The following ACKR2 variants were observed in gnomAD, a reference collection of about 807,000 sequenced individuals.
ACKR2 encodes C-C chemokine receptor D6.
For missense variants in ACKR2, 457 were observed against 477.3 expected (o/e 0.96, Z 0.40); for synonymous variants, 207 against 192.2 (o/e 1.08, Z -0.64).
intron 2 of ACKR2, among the ~76,000 whole-genome samples, chr3:42,863,460 C>T (rs1180968626): frequency 3.9e-5 from 6 of 152,158 alleles, no homozygotes; most frequent in Non-Finnish European, 7.4e-5. Context: ...GGTGATTCCT[C>T]AAGGATCTAG....
rs2088426277 is a variant in ACKR2 at position 42,865,424 on chromosome 3, T to C, written c.922T>C (p.Ser308Pro). 2 of 1,614,106 alleles carry C rather than the reference T, an allele frequency of 1.2e-6. No homozygotes were observed. The highest frequency in any genetic ancestry group is 1.7e-6 in the Non-Finnish European group (2 of 1,180,006). The change falls in exon 3 of 3, where the codon TCC becomes CCC. Residue 308 changes from serine (S) to proline (P), a missense_variant. Coordinates refer to ENST00000422265, the MANE Select transcript of ACKR2 (RefSeq NM_001296.5). ...ESIAFLHCCF[S>P]PILYAFSSHR... ...CATCGCCTTCCTTCACTGCTGCTTT[T>C]CCCCCATCCTGTATGCCTTCTCCAG...
At chr3:42,822,930 A>G (rs1454136305) in intron 2 of ACKR2, among the ~76,000 whole-genome samples, 1 of 151,678 alleles carries the variant, frequency 6.6e-6, no homozygotes, top group Non-Finnish European at 1.5e-5. Flanking sequence ...ACCAGATCTC[A>G]GGCTTGTGTC....
At chr3:42,857,947 C>A (rs1040295758) in intron 2 of ACKR2, among the ~76,000 whole-genome samples, 18 of 152,222 alleles carry the variant, frequency 1.2e-4, no homozygotes, top group East Asian at 1.9e-4. Flanking sequence ...CTTGGCAAAG[C>A]CACTGTAGCC....
At chr3:42,821,865 A>T (rs955002002) in intron 2 of ACKR2, among the ~76,000 whole-genome samples, 27 of 151,468 alleles carry the variant, frequency 1.8e-4, no homozygotes, top group Non-Finnish European at 3.2e-4. Flanking sequence ...CCCGGCTAAT[A>T]TTTTGTATTT....
intron 1 of ACKR2, among the ~76,000 whole-genome samples, chr3:42,819,139 T>A (rs751189582): frequency 1.1e-4 from 16 of 152,172 alleles, no homozygotes; most frequent in Non-Finnish European, 2.1e-4. Context: ...CTGTATAACT[T>A]TATCTTGCAT....
At chr3:42,833,391 G>C (rs1700952127) in intron 2 of ACKR2, among the ~76,000 whole-genome samples, 1 of 151,802 alleles carries the variant, frequency 6.6e-6, no homozygotes, top group African/African-American at 2.4e-5. Context: ...TATTTCAATA[G>C]GTTTTGGGGG....
chr3:42,850,765 C>T (rs1333270440), intron 2 of ACKR2, among the ~76,000 whole-genome samples: 1 of 152,148 alleles, frequency 6.6e-6, no homozygotes, highest in Non-Finnish European at 1.5e-5. Context: ...CCCCTGAGAG[C>T]TCCTGACCCA....
chr3:42,850,179 G>A (rs907620817), intron 2 of ACKR2, among the ~76,000 whole-genome samples: 3 of 152,118 alleles, frequency 2.0e-5, no homozygotes, highest in Non-Finnish European at 4.4e-5. Context: ...TTGGCCTAGA[G>A]AAACTTGGAG....
chr3:42,816,921 A>G (rs948438118), intron 1 of ACKR2, among the ~76,000 whole-genome samples: 89 of 152,296 alleles, frequency 5.8e-4, no homozygotes, highest in African/African-American at 2.1e-3. Flanking sequence ...TAATGAAAAA[A>G]AAATTTGGTA....
Position 42,865,461 on chromosome 3 carries a change from G to A in ACKR2, c.959G>A (p.Arg320His), listed in dbSNP as rs138890782. ...TATGCCTTCTCCAGTCACCGCTTCC[G>A]CCAGTACCTGAAGGCTTTCCTGGCT... is the stretch of plus-strand genomic sequence containing the variant. ...ILYAFSSHRFRQYLKAFLAAV... is the reference protein window; with the variant it reads ...ILYAFSSHRFHQYLKAFLAAV... Residue 320 changes from arginine to histidine, a missense_variant, in exon 3 of 3, where the codon CGC becomes CAC. Arg to His is a conservative substitution (Grantham distance 29). Transcript: ENST00000422265. The A allele has an allele frequency of 1.1e-3, 1,820 of 1,614,026 alleles. 17 individuals carry two copies. The African/African-American group carries it at 0.022, about 19-fold the overall frequency.
chr3:42,847,111 G>A (rs1404847425), intron 2 of ACKR2, among the ~76,000 whole-genome samples: 2 of 152,210 alleles, frequency 1.3e-5, no homozygotes, highest in Non-Finnish European at 2.9e-5. Flanking sequence ...CAGATGTCTG[G>A]AGAACCACTC....
intron 2 of ACKR2, among the ~76,000 whole-genome samples, chr3:42,841,265 A>G (rs1701034305): frequency 6.6e-6 from 1 of 152,222 alleles, no homozygotes; most frequent in Admixed American, 6.5e-5. Context: ...GAAGTAATGA[A>G]TGTAAATATT....
intron 2 of ACKR2, among the ~76,000 whole-genome samples, chr3:42,831,196 C>T (rs1174747995): frequency 6.6e-6 from 1 of 152,010 alleles, no homozygotes; most frequent in African/African-American, 2.4e-5. Flanking sequence ...TCCGAGACTG[C>T]CACGCTCACC....
At chr3:42,825,029 T>C (rs1700848445) in intron 2 of ACKR2, among the ~76,000 whole-genome samples, 1 of 152,202 alleles carries the variant, frequency 6.6e-6, no homozygotes, top group Admixed American at 6.5e-5. Flanking sequence ...CATGGATACC[T>C]GGGTTTATTT....
intron 2 of ACKR2, among the ~76,000 whole-genome samples, chr3:42,853,905 G>T (rs1378543800): frequency 6.6e-6 from 1 of 152,194 alleles, no homozygotes; most frequent in African/African-American, 2.4e-5. Flanking sequence ...AAAGGCTGGT[G>T]TGGCCTCTGG....
chr3:42,855,863 T>G (rs755479948), intron 2 of ACKR2: 51 of 152,678 alleles, frequency 3.3e-4, no homozygotes, highest in Non-Finnish European at 4.2e-4. Context: ...ACCTCTGGCT[T>G]TGATTGAAAC....
At chr3:42,862,935 G>T (rs1252297256) in intron 2 of ACKR2, among the ~76,000 whole-genome samples, 2 of 152,258 alleles carry the variant, frequency 1.3e-5, no homozygotes, top group East Asian at 3.9e-4. Context: ...TACCATTCAG[G>T]ACATAGGCAT....
At chr3:42,844,176 C>T (rs1169669376) in intron 2 of ACKR2, 1 of 152,288 alleles carries the variant, frequency 6.6e-6, no homozygotes, top group East Asian at 1.9e-4. Context: ...GGTCAAAAAT[C>T]TCAAATATTG....
intron 2 of ACKR2, chr3:42,834,800 A>C (rs1700970429): frequency 2.0e-5 from 3 of 151,874 alleles, no homozygotes; most frequent in Non-Finnish European, 4.4e-5. Flanking sequence ...GATGGTCTCG[A>C]TCTCTTGACC....
Sources: gnomAD v4.1 joint callset for allele counts (sites outside exome capture counted in the v4.1 genomes callset) on GRCh38, gnomAD v4.1.1 for gene constraint, MANE v1.5 for transcripts, NCBI Gene and HGNC (gene_info 2026-07-23, HGNC 2026-07-21) for gene names.